The following FANCA variants were observed in gnomAD, a reference collection of about 807,000 sequenced individuals.
The protein encoded by FANCA is FA complementation group A.
Under a neutral mutation model 194.3 loss-of-function variants are expected in FANCA, and 236 were observed. The ratio of observed to expected loss-of-function variants is 1.21; its 90% CI spans 1.09 to 1.35. The LOEUF (loss-of-function observed/expected upper bound fraction) is 1.35, where lower values mean the gene tolerates loss of function less well. Ranked by LOEUF, FANCA falls within the 40% of genes most tolerant of loss-of-function variation. The pLI, the probability that FANCA is intolerant of heterozygous loss-of-function variation, is 0.00. For missense variants in FANCA, 2,628 were observed against 1,813.9 expected (o/e 1.45, Z -8.15); for synonymous variants, 1,014 against 715.8 (o/e 1.42, Z -6.65).
chr16:89,797,122 T>G (rs1449902115), intron 10 of FANCA, among the ~76,000 whole-genome samples: 1 of 151,992 alleles, frequency 6.6e-6, no homozygotes, highest in Non-Finnish European at 1.5e-5. Flanking sequence ...ATCGCACCAC[T>G]GCACTCCAGC....
Position 89,791,212 on chromosome 16 carries a change from G to T in FANCA, c.1359+191C>A, listed in dbSNP as rs146390709. The T allele has an allele frequency of 4.2e-6, 3 of 713,458 alleles. No individual in the cohort carries two copies. The East Asian group carries it at 8.2e-5, about 19-fold the overall frequency. The allele number at this position is 713,458 out of a possible 1,614,324, so 44.2% of individuals were successfully genotyped here. ...CCTCGGAACATGCAGAGGAAGATCC[G>T]CTGAGGCCCCGACAGGGAGAACCCA... is the stretch of plus-strand genomic sequence containing the variant. On this transcript the variant is annotated intron_variant, in intron 14 of 42. Coordinates refer to ENST00000389301, the MANE Select transcript of FANCA (RefSeq NM_000135.4).
chr16:89,769,992 C>A lies in FANCA; in HGVS notation c.2349G>T (p.Gly783=), dbSNP rs780399350. The A allele has an allele frequency of 6.2e-7, 1 of 1,613,868 alleles. No individual in the cohort carries two copies. Among genetic ancestry groups the A allele is most frequent in the Admixed American group, 1.7e-5 (1 of 60,018 alleles). ...GPSLSAPHVL[G]LAALAVHLGE... Reference sequence around the variant, plus strand: ...CCAGGTGCACGGCCAGGGCAGCCAACCCCAGCACATGTGGGGCACTCAGGC... The same window carrying A: ...CCAGGTGCACGGCCAGGGCAGCCAAACCCAGCACATGTGGGGCACTCAGGC... Residue 783 remains glycine, a synonymous_variant, in exon 26 of 43, where the codon GGG becomes GGT. Coordinates refer to ENST00000389301, the MANE Select transcript of FANCA (RefSeq NM_000135.4).
At chr16:89,778,485 A>T (rs982677518) in intron 20 of FANCA, 1 of 306,106 alleles carries the variant, frequency 3.3e-6, no homozygotes, top group Non-Finnish European at 5.9e-6. Flanking sequence ...AAAAAAAAAA[A>T]CTTAGCCAGG....
chr16:89,786,343 C>G (rs565732635), intron 14 of FANCA, among the ~76,000 whole-genome samples: 1 of 152,166 alleles, frequency 6.6e-6, no homozygotes. Context: ...ACCACCATGC[C>G]TGGCTAATTT....
chr16:89,811,694 T>G (rs2040887123), intron 3 of FANCA, among the ~76,000 whole-genome samples: 1 of 151,566 alleles, frequency 6.6e-6, no homozygotes. Flanking sequence ...TGCCAAGAAA[T>G]CATTTTCTAA....
Position 89,758,635 on chromosome 16 carries a change from CG to C in FANCA, c.2922del (p.Asp974GlufsTer15), listed in dbSNP as rs748281288. ...LPESSASGGC[D>X]GDLQAACTIL... ...ATGGTACACGCAGCCTGCAGGTCTCCGTCACAGCCCCCTGAAGCCGAGGACT... is the reference window on the plus strand; with the variant it reads ...ATGGTACACGCAGCCTGCAGGTCTCCTCACAGCCCCCTGAAGCCGAGGACT... On this transcript the variant is annotated frameshift_variant, in exon 30 of 43. Coordinates refer to ENST00000389301, the MANE Select transcript of FANCA (RefSeq NM_000135.4). LOFTEE classifies it high-confidence loss of function. 2 of 1,614,062 alleles carry C rather than the reference CG, an allele frequency of 1.2e-6. No homozygotes were observed. The highest frequency in any genetic ancestry group is 1.7e-6 in the Non-Finnish European group (2 of 1,179,950).
intron 6 of FANCA, among the ~76,000 whole-genome samples, chr16:89,807,151 A>G (rs888737051): frequency 1.3e-5 from 2 of 151,046 alleles, no homozygotes; most frequent in Admixed American, 6.6e-5. Flanking sequence ...TGGTGCTGAG[A>G]TAAGATGTGT....
rs367717307 is a variant in FANCA, at chr16:89,805,314, G to A, written c.675C>T (p.Cys225=). 29 of 1,613,974 alleles carry A rather than the reference G, an allele frequency of 1.8e-5. No homozygotes were observed. The highest frequency in any genetic ancestry group is 3.3e-4 in the Middle Eastern group (2 of 6,062). Residue 225 remains cysteine (C), a synonymous_variant, in exon 7 of 43, where the codon TGC becomes TGT. Transcript: ENST00000389301. Reference sequence around the variant, plus strand: ...TGGCCCTGGCGACGTCAGCATGCTGGCAGGATGCTTCCATCTGTTCACAAA... The same window carrying A: ...TGGCCCTGGCGACGTCAGCATGCTGACAGGATGCTTCCATCTGTTCACAAA... ...CCLCEQMEAS[C]QHADVARAML... is the part of the protein sequence containing the mutation.
At chr16:89,774,687 G>A (rs1373024228) in intron 21 of FANCA, among the ~76,000 whole-genome samples, 1 of 122,936 alleles carries the variant, frequency 8.1e-6, no homozygotes, top group Non-Finnish European at 1.6e-5. Context: ...CTGAGATTGC[G>A]CCACTGCACT....
At chr16:89,803,223 C>T in intron 8 of FANCA, 36 bp downstream of exon 8, 1 of 1,591,504 alleles carries the variant, frequency 6.3e-7, no homozygotes, top group Non-Finnish European at 8.6e-7. Context: ...AGGACGGCTC[C>T]TTCCGCTAAA....
At position 89,799,354 on chromosome 16, in the gene FANCA, C is replaced by G. The variant is rs1052961152; in HGVS notation, c.827-122G>C. On this transcript the variant is annotated intron_variant, in intron 9 of 42. Coordinates refer to ENST00000389301, the MANE Select transcript of FANCA (RefSeq NM_000135.4). ...AACCCCCCAGAGGGCCCACATCCAT[C>G]AAGACTTCTACAATCTGTAGGCCTT... 8 of 1,147,016 alleles carry G rather than the reference C, an allele frequency of 7.0e-6. No individual in the cohort carries two copies. The East Asian group carries it at 1.9e-4, about 28-fold the overall frequency. The allele number at this position is 1,147,016 out of a possible 1,614,324, so 71.1% of individuals were successfully genotyped here. A position where few individuals can be genotyped will look rare whatever the true frequency, so the allele number is the denominator to read the frequency against.
intron 3 of FANCA, among the ~76,000 whole-genome samples, chr16:89,813,976 T>C (rs17232155): frequency 0.015 from 2,223 of 152,320 alleles, 46 homozygotes; most frequent in South Asian, 0.097. Context: ...TCAAATACAA[T>C]CATGGCAGTG....
At chr16:89,795,222 T>C (rs1172778717) in intron 11 of FANCA, among the ~76,000 whole-genome samples, 1 of 150,126 alleles carries the variant, frequency 6.7e-6, no homozygotes, top group Non-Finnish European at 1.5e-5. Flanking sequence ...GAGGTGGAGG[T>C]TGCAGTGAGC....
chr16:89,783,808 G>C (rs1472007030), intron 15 of FANCA, among the ~76,000 whole-genome samples: 1 of 152,052 alleles, frequency 6.6e-6, no homozygotes, highest in Non-Finnish European at 1.5e-5. Flanking sequence ...TTATTGCCCA[G>C]GCTGGAGTGC....
intron 15 of FANCA, 62 bp downstream of exon 15, chr16:89,784,792 T>C (rs2039841543): frequency 7.6e-7 from 1 of 1,312,120 alleles, no homozygotes; most frequent in South Asian, 1.2e-5. Flanking sequence ...GCCAAGGCAG[T>C]CCTCAGATGC....
chr16:89,741,306 C>A (rs1391872677), intron 37 of FANCA, among the ~76,000 whole-genome samples: 1 of 152,214 alleles, frequency 6.6e-6, no homozygotes, highest in Non-Finnish European at 1.5e-5. Context: ...GTCCTAAGGC[C>A]CTGGAGCCAC....
chr16:89,759,318 TAA>T (rs71137673), intron 29 of FANCA, among the ~76,000 whole-genome samples: 1,900 of 75,062 alleles, frequency 0.025, 294 homozygotes, highest in African/African-American at 0.062. Flanking sequence ...AGACTCCGTC[TAA>T]AAAAAAAAAA....
At position 89,805,359 on chromosome 16, in the gene FANCA, G is replaced by T. The variant is rs781089592; in HGVS notation, c.630C>A (p.Leu210=). The T allele has an allele frequency of 6.2e-7, 1 of 1,614,030 alleles. No homozygotes were observed. Among genetic ancestry groups the T allele is most frequent in the Non-Finnish European group, 8.5e-7 (1 of 1,179,964 alleles). Reference sequence around the variant, plus strand: ...CACAAAGGCAGCACAGATTCCTGAAGAGCCACGATCCCACAGCATGCATGT... The same window carrying T: ...CACAAAGGCAGCACAGATTCCTGAATAGCCACGATCCCACAGCATGCATGT... ...HPDMHAVGSW[L]FRNLCCLCEQ... The change falls in exon 7 of 43, where the codon CTC becomes CTA. Residue 210 remains leucine, a synonymous_variant. Coordinates refer to ENST00000389301, the MANE Select transcript of FANCA (RefSeq NM_000135.4).
chr16:89,784,010 C>T (rs2039811330), intron 15 of FANCA, among the ~76,000 whole-genome samples: 1 of 152,026 alleles, frequency 6.6e-6, no homozygotes, highest in Non-Finnish European at 1.5e-5. Flanking sequence ...ATCTGCCCTC[C>T]TCAGCCTCCA....
Sources: allele counts gnomAD v4.1 joint callset (sites outside exome capture counted in the v4.1 genomes callset), GRCh38; gene constraint gnomAD v4.1.1; transcripts MANE v1.5; gene names NCBI Gene and HGNC (gene_info 2026-07-23, HGNC 2026-07-21).